Variants in DSTN observed in about 807,000 individuals in gnomAD.
The protein encoded by DSTN is destrin, actin depolymerizing factor.
Under a neutral mutation model 16.8 loss-of-function variants are expected in DSTN, and 10 were observed. The observed-to-expected ratio is 0.60, with a 90% CI of 0.37 to 1.01. The LOEUF (loss-of-function observed/expected upper bound fraction) is 1.01. Ranked by LOEUF, DSTN falls within the 50% of genes least tolerant of loss-of-function variation. The pLI, the probability that DSTN is intolerant of heterozygous loss-of-function variation, is 0.01. For synonymous variants in DSTN, 57 were observed against 58.9 expected, an observed-to-expected ratio of 0.97 and a Z score of 0.14; for missense variants, 141 against 196.7, an observed-to-expected ratio of 0.72 and a Z score of 1.69.
chr20:17,601,944 T>C (rs2035591501), intron 2 of DSTN, among the ~76,000 whole-genome samples: 1 of 151,786 alleles, frequency 6.6e-6, no homozygotes, highest in African/African-American at 2.4e-5. Flanking sequence ...TTTTTCTTTT[T>C]TTTTTTTTTA....
intron 1 of DSTN, among the ~76,000 whole-genome samples, chr20:17,580,568 G>A (rs1462373540): frequency 6.6e-6 from 1 of 152,122 alleles, no homozygotes; most frequent in Non-Finnish European, 1.5e-5. Flanking sequence ...CCAACATGGT[G>A]AAACCCTGTC....
At position 17,570,166 on chromosome 20, in the gene DSTN, C is replaced by T; in HGVS notation, c.-43C>T. On this transcript the variant is annotated 5_prime_UTR_variant, in exon 1 of 4. Coordinates refer to ENST00000246069, the MANE Select transcript of DSTN (RefSeq NM_006870.4). Reference sequence around the variant, plus strand: ...GAGGACGGTCTGCATACTCGCTGCCCGCCGGCTCCCTCCCCCGCGTCCCTG... The same window carrying T: ...GAGGACGGTCTGCATACTCGCTGCCTGCCGGCTCCCTCCCCCGCGTCCCTG... The T allele has an allele frequency of 6.6e-7, 1 of 1,517,728 alleles. No homozygotes were observed. The highest frequency in any genetic ancestry group is 8.8e-7 in the Non-Finnish European group (1 of 1,136,812). The allele number at this position is 1,517,728 out of a possible 1,614,324, so 94.0% of individuals were successfully genotyped here.
chr20:17,581,481 C>T (rs1015373927), intron 1 of DSTN, among the ~76,000 whole-genome samples: 1 of 150,674 alleles, frequency 6.6e-6, no homozygotes, highest in African/African-American at 2.5e-5. Flanking sequence ...AGACCCTGTC[C>T]CTAAACAAAC....
At chr20:17,572,246 T>G (rs2035215335) in intron 1 of DSTN, among the ~76,000 whole-genome samples, 1 of 152,172 alleles carries the variant, frequency 6.6e-6, no homozygotes. Flanking sequence ...CGCTTCAGGA[T>G]GAGATTAGAT....
At chr20:17,580,998 A>T (rs2876468) in intron 1 of DSTN, among the ~76,000 whole-genome samples, 14,095 of 152,212 alleles carry the variant, frequency 0.093, 1,210 homozygotes, top group African/African-American at 0.23. Context: ...AAAATAGATT[A>T]TAGGCAAGAA....
intron 1 of DSTN, among the ~76,000 whole-genome samples, chr20:17,583,731 G>GTTTTTTTTTTTTTTT (rs74172899): frequency 3.6e-5 from 1 of 28,022 alleles, no homozygotes; most frequent in Admixed American, 5.9e-4. Flanking sequence ...TGGGTTTGGA[G>GTTTTTTTTTTTTTTT]TTTCTTTTTT....
At chr20:17,577,189 A>G (rs2035288322) in intron 1 of DSTN, among the ~76,000 whole-genome samples, 1 of 152,220 alleles carries the variant, frequency 6.6e-6, no homozygotes, top group South Asian at 2.1e-4. Context: ...CAAAATTTGA[A>G]AATATCTGAA....
chr20:17,583,685 G>A (rs2035371171), intron 1 of DSTN, among the ~76,000 whole-genome samples: 1 of 151,082 alleles, frequency 6.6e-6, no homozygotes, highest in Admixed American at 6.6e-5. Context: ...GTAAGGGCTG[G>A]GGTGGGTGGG....
At position 17,607,773 on chromosome 20, in the gene DSTN, ACT is replaced by A. The variant is rs1368870252; in HGVS notation, c.*628_*629del. On this transcript the variant is annotated 3_prime_UTR_variant, in exon 4 of 4. Coordinates refer to ENST00000246069, the MANE Select transcript of DSTN (RefSeq NM_006870.4). ...GCACCTGCCAGTGAGCTCGCCATTC[ACT>A]GATTGGAAGAGTGACCTGGCATCTT... 1 of 152,258 alleles carries A rather than the reference ACT, an allele frequency of 6.6e-6. No individual in the cohort carries two copies. Among genetic ancestry groups the A allele is most frequent in the Non-Finnish European group, 1.5e-5 (1 of 68,068 alleles). 9.4% of individuals were successfully genotyped at this position (152,258 alleles called of 1,614,324 possible).
intron 1 of DSTN, among the ~76,000 whole-genome samples, chr20:17,596,968 T>G (rs1481740931): frequency 1.3e-5 from 2 of 152,210 alleles, no homozygotes; most frequent in Non-Finnish European, 2.9e-5. Flanking sequence ...AATATAAGGC[T>G]TTAGATGTTG....
chr20:17,583,735 C>CTTTTGTTTTTTTTTTT (rs1555808636), intron 1 of DSTN, among the ~76,000 whole-genome samples: 1 of 72,490 alleles, frequency 1.4e-5, no homozygotes, highest in Non-Finnish European at 2.4e-5. Flanking sequence ...TTTGGAGTTT[C>CTTTTGTTTTTTTTTTT]TTTTTTTTTT....
chr20:17,591,306 A>G (rs1352835596), intron 1 of DSTN, among the ~76,000 whole-genome samples: 1 of 150,924 alleles, frequency 6.6e-6, no homozygotes, highest in Non-Finnish European at 1.5e-5. Context: ...ACTCTCAACT[A>G]TTATTATAGA....
At chr20:17,594,188 T>A (rs2035501094) in intron 1 of DSTN, among the ~76,000 whole-genome samples, 1 of 152,140 alleles carries the variant, frequency 6.6e-6, no homozygotes, top group South Asian at 2.1e-4. Context: ...AGATTCATGT[T>A]TATGTAGAGG....
In DSTN at chr20:17,607,248, C is replaced by T. The variant is rs967021420; in HGVS notation, c.*102C>T. 7.1e-6 allele frequency: 7 copies of T among 983,778 alleles called. No homozygotes were observed. Among genetic ancestry groups the T allele is most frequent in the Non-Finnish European group, 1.0e-5 (7 of 672,348 alleles). 60.9% of individuals were successfully genotyped at this position (983,778 alleles called of 1,614,324 possible). A position where few individuals can be genotyped will look rare whatever the true frequency, so the allele number is the denominator to read the frequency against. On this transcript the variant is annotated 3_prime_UTR_variant, in exon 4 of 4. Coordinates refer to ENST00000246069, the MANE Select transcript of DSTN (RefSeq NM_006870.4). Reference sequence around the variant, plus strand: ...AGGCCAGGGTCTCACTGAGGGGGAGCTGTCTTGTCATCTTTTAGAGTAAAC... The same window carrying T: ...AGGCCAGGGTCTCACTGAGGGGGAGTTGTCTTGTCATCTTTTAGAGTAAAC...
intron 1 of DSTN, among the ~76,000 whole-genome samples, chr20:17,579,923 T>G (rs1352460021): frequency 6.6e-6 from 1 of 152,240 alleles, no homozygotes; most frequent in Non-Finnish European, 1.5e-5. Flanking sequence ...ATAGGATTCT[T>G]TCTTATATCT....
intron 1 of DSTN, among the ~76,000 whole-genome samples, chr20:17,577,464 G>T (rs1313414786): frequency 6.6e-6 from 1 of 152,112 alleles, no homozygotes; most frequent in Admixed American, 6.6e-5. Context: ...CTACTTGAGA[G>T]GTTGAGGCGG....
In DSTN at chr20:17,609,905, T is replaced by C. The variant is rs964415529; in HGVS notation, c.*2759T>C. The C allele has an allele frequency of 6.6e-6, 1 of 152,252 alleles. No homozygotes were observed. Among genetic ancestry groups the C allele is most frequent in the East Asian group, 1.9e-4 (1 of 5,192 alleles). 9.4% of individuals were successfully genotyped at this position (152,252 alleles called of 1,614,324 possible). A position where few individuals can be genotyped will look rare whatever the true frequency, so the allele number is the denominator to read the frequency against. Reference sequence around the variant, plus strand: ...CCTGACAAAGCAGCAAATAAAGCCATTGCTAACAATTCAATCAGAGCTTGA... The same window carrying C: ...CCTGACAAAGCAGCAAATAAAGCCACTGCTAACAATTCAATCAGAGCTTGA... On this transcript the variant is annotated 3_prime_UTR_variant, in exon 4 of 4. Coordinates refer to ENST00000246069, the MANE Select transcript of DSTN (RefSeq NM_006870.4).
chr20:17,570,765 C>G (rs755024213), intron 1 of DSTN, among the ~76,000 whole-genome samples: 2 of 152,224 alleles, frequency 1.3e-5, no homozygotes, highest in Admixed American at 6.5e-5. Context: ...CGAGCAGGAT[C>G]CTGGCATGAT....
intron 1 of DSTN, among the ~76,000 whole-genome samples, chr20:17,572,198 A>G (rs1016017936): frequency 1.3e-5 from 2 of 152,224 alleles, no homozygotes; most frequent in Admixed American, 1.3e-4. Flanking sequence ...CAAGTCTTTT[A>G]GAAGCACCTG....
Sources: allele counts gnomAD v4.1 joint callset (sites outside exome capture counted in the v4.1 genomes callset), GRCh38; gene constraint gnomAD v4.1.1; transcripts MANE v1.5; gene names NCBI Gene and HGNC (gene_info 2026-07-23, HGNC 2026-07-21).